MSANTD3: variants seen among roughly 807,000 people sequenced by gnomAD.
MSANTD3 encodes the protein myb/SANT-like DNA-binding domain-containing protein 3.
Under a neutral mutation model 27.7 loss-of-function variants are expected in MSANTD3, and 11 were observed. That is an observed-to-expected ratio of 0.40 (90% CI 0.25 to 0.66). MSANTD3 has a LOEUF of 0.66. MSANTD3 is among the 30% of genes least tolerant of loss of function. The pLI is 0.41. For missense variants in MSANTD3, 250 were observed against 336.5 expected, an observed-to-expected ratio of 0.74 and a Z score of 2.01; for synonymous variants, 131 against 127.2, an observed-to-expected ratio of 1.03 and a Z score of -0.20.
At chr9:100,437,809 A>G (rs140584093) in intron 1 of MSANTD3, among the ~76,000 whole-genome samples, 107 of 152,272 alleles carry the variant, frequency 7.0e-4, no homozygotes, top group Admixed American at 2.5e-3. Context: ...ATATACATGC[A>G]TATGTATATG....
rs975081163 is a variant in MSANTD3, at chr9:100,451,381, G to A, written c.*415G>A. On this transcript the variant is annotated 3_prime_UTR_variant, in exon 3 of 3. Transcript: ENST00000395067. Reference sequence around the variant, plus strand: ...CCAAATGAATGCCGTCCCATGGAAAGTGGCTGTCCTGGGAGGCTACACGTT... The same window carrying A: ...CCAAATGAATGCCGTCCCATGGAAAATGGCTGTCCTGGGAGGCTACACGTT... 6.4e-6 allele frequency: 1 copy of A among 155,992 alleles called. No individual in the cohort carries two copies. Among genetic ancestry groups the A allele is most frequent in the Non-Finnish European group, 1.4e-5 (1 of 71,416 alleles). The allele number at this position is 155,992 out of a possible 1,614,324, so 9.7% of individuals were successfully genotyped here.
At position 100,438,409 on chromosome 9, in the gene MSANTD3, A is replaced by C. The variant is rs536934228; in HGVS notation, c.-33-3497A>C. 5.9e-5 allele frequency among the ~76,000 whole-genome samples: 9 copies of C among 151,496 alleles called. No homozygotes were observed. The South Asian group carries it at 1.9e-3, about 31-fold the overall frequency. ...TTATCTTGAAGAACTAAAATAGAAA[A>C]AAGAGATTTATTTAGAAAGTGTGTG... On this transcript the variant is annotated intron_variant, in intron 1 of 2. Coordinates refer to ENST00000395067, the MANE Select transcript of MSANTD3 (RefSeq NM_080655.3).
chr9:100,450,824 A>G lies in MSANTD3; in HGVS notation c.686A>G (p.Glu229Gly). The G allele has an allele frequency of 1.2e-6, 2 of 1,614,214 alleles. No individual in the cohort carries two copies. The highest frequency in any genetic ancestry group is 1.7e-6 in the Non-Finnish European group (2 of 1,180,034). Residue 229 changes from glutamate to glycine, a missense_variant, in exon 3 of 3, where the codon GAG (glutamate) becomes GGG (glycine). Glu to Gly is a moderately conservative substitution (Grantham distance 98). This residue lies in a region of MSANTD3 where 235 missense variants were observed against 299.3 expected (regional missense o/e 0.79). Transcript: ENST00000395067. ...HVAKIQQIER[E>G]CEMAEEEHRI... ...GCCAAAATCCAGCAGATAGAGCGAG[A>G]GTGTGAGATGGCAGAGGAGGAACAC...
At chr9:100,431,301 CTT>C (rs34098873) in intron 1 of MSANTD3, among the ~76,000 whole-genome samples, 1,684 of 128,538 alleles carry the variant, frequency 0.013, 33 homozygotes, top group African/African-American at 0.044. Context: ...CATGCCTAGC[CTT>C]TTTTTTTTTT....
chr9:100,448,916 A>T, intron 2 of MSANTD3: 4 of 984,986 alleles, frequency 4.1e-6, no homozygotes, highest in Middle Eastern at 5.2e-4. Flanking sequence ...ACTAGTTATG[A>T]TTGTTACTTT....
rs142103552 is a variant in MSANTD3, at chr9:100,434,241, T to C, written c.-34+6848T>C. ...TCATTTCTTCCTTTGAAACAGTCTT[T>C]GGCTGGGTGTGGTGGCTCACACCTG... On this transcript the variant is annotated intron_variant, in intron 1 of 2. Transcript: ENST00000395067. Among the ~76,000 whole-genome samples the C allele has an allele frequency of 4.9e-3, 748 of 152,292 alleles. 4 individuals carry two copies. The highest frequency in any genetic ancestry group is 6.9e-3 in the Admixed American group (105 of 15,294).
intron 2 of MSANTD3, among the ~76,000 whole-genome samples, chr9:100,449,720 T>C (rs894934743): frequency 6.6e-6 from 1 of 152,144 alleles, no homozygotes; most frequent in Non-Finnish European, 1.5e-5. Flanking sequence ...GTTATGAGTT[T>C]ACTTAGGGCA....
intron 1 of MSANTD3, 92 bp from the exon 2 acceptor site, chr9:100,441,814 C>A: frequency 7.4e-7 from 1 of 1,350,526 alleles, no homozygotes; most frequent in Non-Finnish European, 9.9e-7. Context: ...GTATTTCAGA[C>A]AAGGGAATCA....
At chr9:100,443,678 TGTCATA>T (rs1264313845) in intron 2 of MSANTD3, among the ~76,000 whole-genome samples, 1 of 152,188 alleles carries the variant, frequency 6.6e-6, no homozygotes. Flanking sequence ...AATGATAGTG[TGTCATA>T]GCTTCAAAAG....
At chr9:100,447,404 A>T (rs1254279164) in intron 2 of MSANTD3, among the ~76,000 whole-genome samples, 1 of 152,136 alleles carries the variant, frequency 6.6e-6, no homozygotes, top group Non-Finnish European at 1.5e-5. Context: ...GTTAGCACAC[A>T]TTTAAACTAA....
At chr9:100,448,758 A>G in intron 2 of MSANTD3, 1 of 985,354 alleles carries the variant, frequency 1.0e-6, no homozygotes, top group Non-Finnish European at 1.2e-6. Flanking sequence ...ATGAAGGAAG[A>G]GCTGTCTTTG....
In MSANTD3 at chr9:100,441,892, A is replaced by G; in HGVS notation, c.-33-14A>G. 6.5e-7 allele frequency: 1 copy of G among 1,538,876 alleles called. No homozygotes were observed. On this transcript the variant is annotated splice_polypyrimidine_tract_variant and intron_variant, in intron 1 of 2. Coordinates refer to ENST00000395067, the MANE Select transcript of MSANTD3 (RefSeq NM_080655.3). ...CTGGAGTTGGTAATCATTGCTTCAA[A>G]CTTCCTTTTACAGGATAGCTAGCGG...
intron 1 of MSANTD3, 118 bp downstream of exon 1, chr9:100,427,511 G>T (rs1836272810): frequency 6.6e-6 from 1 of 151,252 alleles, no homozygotes; most frequent in African/African-American, 2.4e-5. Context: ...GAGCCGCTGC[G>T]ACCCCGGCCT....
chr9:100,439,198 G>A (rs983570947), intron 1 of MSANTD3, among the ~76,000 whole-genome samples: 6 of 152,138 alleles, frequency 3.9e-5, no homozygotes, highest in East Asian at 1.9e-4. Context: ...ACTCCTTGGC[G>A]TCAATTTGAA....
intron 2 of MSANTD3, chr9:100,449,243 A>T (rs1836826746): frequency 1.0e-6 from 1 of 985,422 alleles, no homozygotes. Context: ...CTCTAATAAA[A>T]AAAGCAGGGC....
chr9:100,441,694 G>T (rs1371340347), intron 1 of MSANTD3, among the ~76,000 whole-genome samples: 1 of 152,158 alleles, frequency 6.6e-6, no homozygotes, highest in Non-Finnish European at 1.5e-5. Flanking sequence ...GATAGTCACA[G>T]TATAGCCACA....
At chr9:100,448,706 A>T in intron 2 of MSANTD3, 1 of 985,428 alleles carries the variant, frequency 1.0e-6, no homozygotes, top group Non-Finnish European at 1.2e-6. Context: ...GCCAGTTTTA[A>T]CAAGTGTTCT....
At chr9:100,445,598 T>C (rs1379950737) in intron 2 of MSANTD3, among the ~76,000 whole-genome samples, 1 of 152,262 alleles carries the variant, frequency 6.6e-6, no homozygotes, top group African/African-American at 2.4e-5. Context: ...TTTAAAATTA[T>C]ATAAATAGCT....
chr9:100,447,913 C>T (rs1202129299), intron 2 of MSANTD3, among the ~76,000 whole-genome samples: 2 of 152,152 alleles, frequency 1.3e-5, no homozygotes, highest in Admixed American at 6.5e-5. Context: ...TGGAAGAGGC[C>T]GGTGCAGTGG....
Sources: allele counts gnomAD v4.1 joint callset (sites outside exome capture counted in the v4.1 genomes callset), GRCh38; gene constraint gnomAD v4.1.1; regional missense constraint gnomAD v4.1.1; transcripts MANE v1.5; gene names NCBI Gene and HGNC (gene_info 2026-07-23, HGNC 2026-07-21).